Variants in ATP6V0A4 observed in about 807,000 individuals in gnomAD.
The protein encoded by ATP6V0A4 is ATPase H+ transporting V0 subunit a4.
Under a neutral mutation model 107.3 loss-of-function variants are expected in ATP6V0A4, and 86 were observed. The ratio of observed to expected loss-of-function variants is 0.80; its 90% CI spans 0.67 to 0.96. The LOEUF is 0.96. ATP6V0A4 is among the 40% of genes least tolerant of loss of function. The pLI, the probability that ATP6V0A4 is intolerant of heterozygous loss-of-function variation, is 0.00. For synonymous variants in ATP6V0A4, 353 were observed against 381.4 expected (o/e 0.93, Z 0.87); for missense variants, 908 against 1,045.6 (o/e 0.87, Z 1.81).
intron 5 of ATP6V0A4, among the ~76,000 whole-genome samples, 167 bp downstream of exon 5, chr7:138,768,613 T>G (rs1807210072): frequency 6.6e-6 from 1 of 152,114 alleles, no homozygotes; most frequent in African/African-American, 2.4e-5. Context: ...AACCGCACAC[T>G]GGGATTTTCC....
At position 138,707,197 on chromosome 7, in the gene ATP6V0A4, TATATA is replaced by T. The variant is rs1415190244; in HGVS notation, c.2430-485_2430-481del. 3.8e-3 allele frequency among the ~76,000 whole-genome samples: 255 copies of T among 66,934 alleles called. 14 individuals are homozygous for T. The highest frequency in any genetic ancestry group is 0.038 in the Middle Eastern group (6 of 158). The allele number at this position is 66,934 out of a possible 152,430, so 43.9% of individuals were successfully genotyped here. A position where few individuals can be genotyped will look rare whatever the true frequency, so the allele number is the denominator to read the frequency against. On this transcript the variant is annotated intron_variant, in intron 21 of 21. Transcript: ENST00000310018. ...ATATTATATAATATATTATATATAT[TATATA>T]ATATATTATATTATATAGAATATAT... is the stretch of plus-strand genomic sequence containing the variant.
Position 138,737,115 on chromosome 7 carries a change from A to AATATATATATATATAT in ATP6V0A4, c.1572+2424_1572+2425insATATATATATATATAT, listed in dbSNP as rs1554394380. 9.8e-4 allele frequency among the ~76,000 whole-genome samples: 85 copies of AATATATATATATATAT among 86,764 alleles called. 11 individuals are homozygous for AATATATATATATATAT. The highest frequency in any genetic ancestry group is 3.8e-3 in the African/African-American group (80 of 21,112). 56.9% of individuals were successfully genotyped at this position (86,764 alleles called of 152,430 possible). On this transcript the variant is annotated intron_variant, in intron 15 of 21. Coordinates refer to ENST00000310018, the MANE Select transcript of ATP6V0A4 (RefSeq NM_020632.3). ...GTTATGTAAAAAGTAAGCCCTTATTAATATATATATATGATACAAACTAAC... is the reference window on the plus strand; with the variant it reads ...GTTATGTAAAAAGTAAGCCCTTATTAATATATATATATATATATATATATATATGATACAAACTAAC...
intron 15 of ATP6V0A4, among the ~76,000 whole-genome samples, chr7:138,735,339 T>C (rs1045868184): frequency 6.6e-6 from 1 of 152,136 alleles, no homozygotes; most frequent in Non-Finnish European, 1.5e-5. Flanking sequence ...TGTTTTCAGG[T>C]TTGCTCTGGG....
Position 138,734,209 on chromosome 7 carries a change from T to C in ATP6V0A4, c.1618A>G (p.Lys540Glu), listed in dbSNP as rs2117242912. 3 of 1,613,812 alleles carry C rather than the reference T, an allele frequency of 1.9e-6. No individual in the cohort carries two copies. Among genetic ancestry groups the C allele is most frequent in the South Asian group, 1.1e-5 (1 of 91,078 alleles). ...SNKLTFLNSYKMKMSVILGIV... is the reference protein window; with the variant it reads ...SNKLTFLNSYEMKMSVILGIV... ...CCCAGGATCACCGACATCTTCATTT[T>C]ATACGAGTTCAGAAATGTGAGTTTG... The change falls in exon 16 of 22, where the codon AAA (lysine) becomes GAA (glutamate). Residue 540 changes from lysine to glutamate, a missense_variant. Coordinates refer to ENST00000310018, the MANE Select transcript of ATP6V0A4 (RefSeq NM_020632.3).
At chr7:138,723,063 A>AAG (rs1804516276) in intron 18 of ATP6V0A4, among the ~76,000 whole-genome samples, 1 of 151,606 alleles carries the variant, frequency 6.6e-6, no homozygotes, top group Admixed American at 6.6e-5. Flanking sequence ...CTCAAAAAAA[A>AAG]AAAAAAAAAG....
intron 9 of ATP6V0A4, 65 bp downstream of exon 9, chr7:138,756,393 T>C: frequency 9.3e-6 from 15 of 1,606,430 alleles, no homozygotes; most frequent in Non-Finnish European, 1.3e-5. Context: ...GCATTTGGCA[T>C]TGCACATCTC....
chr7:138,747,677 G>T, intron 12 of ATP6V0A4, 113 bp from the exon 13 acceptor site: 1 of 1,503,982 alleles, frequency 6.6e-7, no homozygotes, highest in Non-Finnish European at 9.0e-7. Context: ...AAGCCTTTCT[G>T]GTTGTCTTTT....
rs769715788 is a variant in ATP6V0A4 at position 138,745,105 on chromosome 7, CTCTG to C, written c.1478+14_1478+17del. On this transcript the variant is annotated intron_variant, in intron 14 of 21. Transcript: ENST00000310018. ...CCTGGATGGCCAGCGACTACACCAT[CTCTG>C]TCTGTCAACTCACTTCCATGTGCCG... The C allele has an allele frequency of 4.4e-6, 7 of 1,603,620 alleles. No homozygotes were observed. Among genetic ancestry groups the C allele is most frequent in the African/African-American group, 4.0e-5 (3 of 74,654 alleles).
intron 2 of ATP6V0A4, among the ~76,000 whole-genome samples, chr7:138,777,381 G>A (rs77934982): frequency 1.3e-5 from 2 of 151,854 alleles, no homozygotes; most frequent in East Asian, 1.9e-4. Flanking sequence ...TTGGGAGGCT[G>A]AGGTGGGTGG....
chr7:138,736,082 A>G (rs1275368044), intron 15 of ATP6V0A4, among the ~76,000 whole-genome samples: 1 of 145,804 alleles, frequency 6.9e-6, no homozygotes, highest in Non-Finnish European at 1.5e-5. Context: ...ACAAACAAAC[A>G]AACAAACAAA....
intron 16 of ATP6V0A4, among the ~76,000 whole-genome samples, chr7:138,733,373 G>GA (rs1288571948): frequency 4.6e-5 from 7 of 152,054 alleles, no homozygotes; most frequent in Non-Finnish European, 7.4e-5. Context: ...TGCCCACACA[G>GA]AGAGGGTGGT....
intron 18 of ATP6V0A4, among the ~76,000 whole-genome samples, chr7:138,726,074 C>G (rs974811669): frequency 2.0e-5 from 3 of 152,086 alleles, no homozygotes; most frequent in African/African-American, 4.8e-5. Flanking sequence ...ACTGCAAGCT[C>G]CGCCTCCCGG....
chr7:138,716,439 A>C (rs1584890991), intron 19 of ATP6V0A4, among the ~76,000 whole-genome samples: 1 of 136,456 alleles, frequency 7.3e-6, no homozygotes, highest in Non-Finnish European at 1.6e-5. Flanking sequence ...GAGAAGGGAC[A>C]GCCTTAAAGA....
At chr7:138,750,599 T>A (rs1325246446) in intron 11 of ATP6V0A4, among the ~76,000 whole-genome samples, 6 of 152,226 alleles carry the variant, frequency 3.9e-5, no homozygotes, top group African/African-American at 1.2e-4. Flanking sequence ...GCACACCCAC[T>A]GGGATCTGAC....
In ATP6V0A4 at chr7:138,763,023, A is replaced by G. The variant is rs150284936; in HGVS notation, c.294T>C (p.Thr98=). The G allele has an allele frequency of 5.6e-6, 9 of 1,614,142 alleles. No homozygotes were observed. The South Asian group carries it at 8.8e-5, about 16-fold the overall frequency. ...PLPREMITLE[T]VLEKLEGELQ... ...ACTCTCCTTCCAGTTTTTCTAGAACAGTCTATGCAGGAAGGAAAAAGAAGG... is the reference window on the plus strand; with the variant it reads ...ACTCTCCTTCCAGTTTTTCTAGAACGGTCTATGCAGGAAGGAAAAAGAAGG... The change falls in exon 6 of 22, where the codon ACT becomes ACC. Residue 98 remains threonine, a splice_region_variant and synonymous_variant. Transcript: ENST00000310018.
rs548457896 is a variant in ATP6V0A4, at chr7:138,773,265, A to C, written c.-17-2001T>G. On this transcript the variant is annotated intron_variant, in intron 2 of 21. Transcript: ENST00000310018. The surrounding 1 kb of genome is among the most constrained non-coding windows in gnomAD (Gnocchi z 5.4). ...TCTCCAGGGACCCTGCATTTCTCCC[A>C]GCTCCCACCCCCTTCAGGCCCTTCG... Among the ~76,000 whole-genome samples the C allele has an allele frequency of 6.6e-6, 1 of 152,054 alleles. No homozygotes were observed. Among genetic ancestry groups the C allele is most frequent in the Non-Finnish European group, 1.5e-5 (1 of 67,966 alleles).
At chr7:138,709,560 T>A (rs1310104929) in intron 21 of ATP6V0A4, 64 bp downstream of exon 21, 1 of 1,517,698 alleles carries the variant, frequency 6.6e-7, no homozygotes, top group Non-Finnish European at 9.1e-7. Context: ...CCCAGTCGGC[T>A]GGCCCCACAG....
In ATP6V0A4 at chr7:138,762,394, G is replaced by A. The variant is rs1217064939; in HGVS notation, c.458C>T (p.Thr153Ile). The change falls in exon 7 of 22, where the codon ACT becomes ATT. Residue 153 changes from threonine (T) to isoleucine (I), a missense_variant. Thr to Ile is a moderately conservative substitution (Grantham distance 89). Coordinates refer to ENST00000310018, the MANE Select transcript of ATP6V0A4 (RefSeq NM_020632.3). ...TGCTTTCAACTCCAGGAGGCCAGAA[G>A]TGTCCTCAGTAAAGAAATCATCAGC... ...NLADDFFTED[T>I]SGLLELKAVP... 1 of 1,614,018 alleles carries A rather than the reference G, an allele frequency of 6.2e-7. No individual in the cohort carries two copies. Among genetic ancestry groups the A allele is most frequent in the African/African-American group, 1.3e-5 (1 of 74,902 alleles).
At chr7:138,767,507 A>C (rs935912678) in intron 5 of ATP6V0A4, among the ~76,000 whole-genome samples, 2 of 152,116 alleles carry the variant, frequency 1.3e-5, no homozygotes, top group African/African-American at 4.8e-5. Context: ...TGGGCAACAG[A>C]GCAAGACTCC....
Sources: gnomAD v4.1 joint callset for allele counts (sites outside exome capture counted in the v4.1 genomes callset) on GRCh38, gnomAD v4.1.1 for gene constraint, Gnocchi (gnomAD v3.1) non-coding constraint, MANE v1.5 for transcripts, NCBI Gene and HGNC (gene_info 2026-07-23, HGNC 2026-07-21) for gene names.